The following WDPCP variants were observed in gnomAD, a reference collection of about 807,000 sequenced individuals.
WDPCP encodes the protein WD repeat-containing and planar cell polarity effector protein fritz homolog.
A neutral mutation model predicts 93.1 loss-of-function variants in WDPCP; 71 were observed. That is an observed-to-expected ratio of 0.76 (90% CI 0.63 to 0.93). The LOEUF (loss-of-function observed/expected upper bound fraction) is 0.93. Among genes scored for constraint, WDPCP ranks in the 40% least tolerant of loss-of-function variants. The pLI, the probability that WDPCP is intolerant of heterozygous loss-of-function variation, is 0.00. For synonymous variants in WDPCP, 315 were observed against 315.0 expected, an observed-to-expected ratio of 1.00 and a Z score of 0.00; for missense variants, 844 against 887.4, an observed-to-expected ratio of 0.95 and a Z score of 0.62.
chr2:63,689,419 G>T (rs1199941909), intron 2 of WDPCP, among the ~76,000 whole-genome samples: 1 of 152,136 alleles, frequency 6.6e-6, no homozygotes, highest in African/African-American at 2.4e-5. Context: ...AGTAAAGGGG[G>T]CCTCGAAATA....
intron 1 of WDPCP, among the ~76,000 whole-genome samples, chr2:63,543,601 TAAAAC>T (rs969768310): frequency 1.3e-5 from 2 of 151,944 alleles, no homozygotes; most frequent in African/African-American, 4.8e-5. Flanking sequence ...AACATATAAA[TAAAAC>T]AATAATAATT....
At chr2:63,421,174 A>G (rs36116244) in intron 9 of WDPCP, among the ~76,000 whole-genome samples, 29,381 of 152,158 alleles carry the variant, frequency 0.19, 3,032 homozygotes, top group Middle Eastern at 0.28. Context: ...ATCGTTTTCA[A>G]TGAAATCTGT....
chr2:63,789,737 T>C lies in WDPCP; in HGVS notation n.308+23885A>G, dbSNP rs139333775. The stretch of plus-strand genomic sequence containing the variant: ...AGAAACTCTTTCTGTCTCCAAAGAG[T>C]ATGCAAATTAGTTTTCATGTGCTTG... On this transcript the variant is annotated intron_variant and non_coding_transcript_variant, in intron 2 of 4. Transcript: ENST00000467687. Among the ~76,000 whole-genome samples the C allele has an allele frequency of 8.2e-3, 1,250 of 152,332 alleles. 12 individuals are homozygous for C. The highest frequency in any genetic ancestry group is 0.011 in the Admixed American group (173 of 15,286).
intron 6 of WDPCP, among the ~76,000 whole-genome samples, chr2:63,483,027 G>A (rs865916349): frequency 2.6e-5 from 4 of 151,700 alleles, no homozygotes; most frequent in Non-Finnish European, 2.9e-5. Context: ...ACATCCCTTC[G>A]TCAGACACAC....
intron 12 of WDPCP, among the ~76,000 whole-genome samples, chr2:63,365,628 A>C (rs542574829): frequency 1.3e-5 from 2 of 152,120 alleles, no homozygotes; most frequent in African/African-American, 2.4e-5. Flanking sequence ...GAGCACCAAT[A>C]TTTTTTGAAA....
intron 14 of WDPCP, among the ~76,000 whole-genome samples, chr2:63,200,689 G>A (rs1164719073): frequency 6.6e-6 from 1 of 152,112 alleles, no homozygotes; most frequent in African/African-American, 2.4e-5. Context: ...TAGTGGGGGA[G>A]AGTGAGGATG....
chr2:63,725,806 G>A (rs1479970440), intron 2 of WDPCP, among the ~76,000 whole-genome samples: 1 of 152,124 alleles, frequency 6.6e-6, no homozygotes, highest in Non-Finnish European at 1.5e-5. Flanking sequence ...TGGTGATGTT[G>A]AGCATTTTTT....
intron 2 of WDPCP, among the ~76,000 whole-genome samples, chr2:63,707,566 G>C (rs1669182546): frequency 6.6e-6 from 1 of 152,044 alleles, no homozygotes; most frequent in Non-Finnish European, 1.5e-5. Context: ...TTTGCCATTG[G>C]TTCGAACTTC....
At chr2:63,834,710 G>C in the WDPCP span, among the ~76,000 whole-genome samples, 72 of 152,304 alleles carry the variant, frequency 4.7e-4, no homozygotes, top group Admixed American at 1.4e-3. Flanking sequence ...CCAAGGTGAA[G>C]AGTGGTATGT....
intron 2 of WDPCP, among the ~76,000 whole-genome samples, chr2:63,760,001 C>G (rs1670032185): frequency 6.6e-6 from 1 of 152,138 alleles, no homozygotes; most frequent in African/African-American, 2.4e-5. Context: ...AAGAGGGAGG[C>G]TGGATGAGTC....
chr2:63,526,388 AAGG>A (rs1439342081), intron 1 of WDPCP, among the ~76,000 whole-genome samples: 1 of 152,154 alleles, frequency 6.6e-6, no homozygotes, highest in African/African-American at 2.4e-5. Context: ...TTGGGGTGAA[AAGG>A]AGAAGCAGTG....
rs1364118589 is a variant in WDPCP, at chr2:63,338,561, AAAAAAAAAATATATAT to A, written c.1749-25266_1749-25251del. Among the ~76,000 whole-genome samples, 90 of 74,688 alleles carry A rather than the reference AAAAAAAAAATATATAT, an allele frequency of 1.2e-3. 5 individuals carry two copies. Among genetic ancestry groups the A allele is most frequent in the African/African-American group, 3.7e-3 (68 of 18,148 alleles). The allele number at this position is 74,688 out of a possible 152,430, so 49.0% of individuals were successfully genotyped here. On this transcript the variant is annotated intron_variant, in intron 12 of 17. Transcript: ENST00000272321. ...GAGCAAAACTCCATCTAAAAAAAAA[AAAAAAAAAATATATAT>A]ATATATATATATATATATATATATA...
intron 1 of WDPCP, among the ~76,000 whole-genome samples, chr2:63,514,583 A>G (rs186462012): frequency 6.6e-6 from 1 of 152,282 alleles, no homozygotes; most frequent in East Asian, 1.9e-4. Flanking sequence ...CCTGGCACTT[A>G]AAAATAGGTA....
chr2:63,651,157 A>G (rs554127055), intron 2 of WDPCP, among the ~76,000 whole-genome samples: 55 of 152,290 alleles, frequency 3.6e-4, no homozygotes, highest in African/African-American at 1.2e-3. Context: ...GTCAGCCTGG[A>G]CTGCTCATCC....
intron 12 of WDPCP, among the ~76,000 whole-genome samples, chr2:63,344,395 G>C (rs76235175): frequency 2.6e-3 from 390 of 152,278 alleles, no homozygotes; most frequent in African/African-American, 9.3e-3. Flanking sequence ...TAGCCAGGCT[G>C]CCTGACATTC....
At position 63,580,266 on chromosome 2, in the gene WDPCP, A is replaced by G. The variant is rs527575642; in HGVS notation, c.75+7931T>C. Among the ~76,000 whole-genome samples the G allele has an allele frequency of 3.9e-5, 6 of 152,290 alleles. No homozygotes were observed. In the East Asian group the frequency reaches 1.2e-3, roughly 29 times the overall value. ...TGAAAATCATTTTACAACCATAGTA[A>G]TAATTGATTCAGGCAAAAATAATCA... On this transcript the variant is annotated intron_variant, in intron 1 of 17. Coordinates refer to ENST00000272321, the MANE Select transcript of WDPCP (RefSeq NM_015910.7).
At chr2:63,440,479 A>G (rs1337180918) in intron 6 of WDPCP, 1 of 152,260 alleles carries the variant, frequency 6.6e-6, no homozygotes, top group Admixed American at 6.6e-5. Flanking sequence ...TCACAAGGAG[A>G]AATAAAGGAA....
intron 10 of WDPCP, among the ~76,000 whole-genome samples, chr2:63,384,744 A>C: frequency 6.6e-6 from 1 of 151,982 alleles, no homozygotes; most frequent in Non-Finnish European, 1.5e-5. Flanking sequence ...TAATACGTAA[A>C]AAAAAAAAAT....
At chr2:63,238,931 T>C (rs1186846181) in intron 14 of WDPCP, among the ~76,000 whole-genome samples, 1 of 152,132 alleles carries the variant, frequency 6.6e-6, no homozygotes, top group Non-Finnish European at 1.5e-5. Flanking sequence ...AGTTTGCCAA[T>C]TTCCACGACA....
Sources: allele counts gnomAD v4.1 joint callset (sites outside exome capture counted in the v4.1 genomes callset), GRCh38; gene constraint gnomAD v4.1.1; transcripts MANE v1.5; gene names NCBI Gene and HGNC (gene_info 2026-07-23, HGNC 2026-07-21).